Variants in RBMS3 observed in about 807,000 individuals in gnomAD.
RBMS3 encodes RNA binding motif single stranded interacting protein 3.
RBMS3 carries 27 observed loss-of-function variants against 66.8 expected under a neutral mutation model. The observed-to-expected ratio is 0.40, with a 90% CI of 0.30 to 0.56. The LOEUF (loss-of-function observed/expected upper bound fraction) is 0.56, where lower values mean the gene tolerates loss of function less well. Among genes scored for constraint, RBMS3 ranks in the 20% least tolerant of loss-of-function variants. The pLI is 0.40. For synonymous variants in RBMS3, 188 were observed against 183.0 expected (o/e 1.03, Z -0.22); for missense variants, 513 against 549.5 (o/e 0.93, Z 0.66).
rs1426866403 is a variant in RBMS3, at chr3:29,623,584, A to C, written c.399+36379A>C. On this transcript the variant is annotated intron_variant, in intron 4 of 14. Transcript: ENST00000383767. ...ACTCCAGCCTAGGCGACAGAGCAAG[A>C]CTGTCTCAAAAAAAAAAAAAAAAAG... Among the ~76,000 whole-genome samples the C allele has an allele frequency of 4.3e-4, 59 of 136,910 alleles. 1 individual carries two copies. The highest frequency in any genetic ancestry group is 2.0e-3 in the Admixed American group (26 of 13,120). 89.8% of individuals were successfully genotyped at this position (136,910 alleles called of 152,430 possible).
intron 1 of RBMS3, among the ~76,000 whole-genome samples, chr3:29,354,691 G>A (rs1278074995): frequency 6.6e-6 from 1 of 152,084 alleles, no homozygotes; most frequent in Non-Finnish European, 1.5e-5. Flanking sequence ...AACAGTATCA[G>A]GCCCTGCGAA....
chr3:29,838,556 C>T (rs1195582377), intron 6 of RBMS3, among the ~76,000 whole-genome samples: 1 of 151,998 alleles, frequency 6.6e-6, no homozygotes, highest in Non-Finnish European at 1.5e-5. Flanking sequence ...AAACATATTA[C>T]CTTGTGAACG....
rs529366645 is a variant in RBMS3, at chr3:29,311,678, G to A, written c.75+29922G>A. Among the ~76,000 whole-genome samples the A allele has an allele frequency of 2.1e-3, 314 of 151,888 alleles. 2 individuals carry two copies. Among genetic ancestry groups the A allele is most frequent in the Non-Finnish European group, 3.2e-3 (216 of 67,822 alleles). On this transcript the variant is annotated intron_variant, in intron 1 of 14. Transcript: ENST00000383767. ...ATTGGAAGCCACTATAGAGTAATAG[G>A]CGTAAGAGCATTGCATTGAAATCTA...
At chr3:29,703,090 G>A (rs1279261335) in intron 4 of RBMS3, among the ~76,000 whole-genome samples, 1 of 152,196 alleles carries the variant, frequency 6.6e-6, no homozygotes, top group East Asian at 1.9e-4. Context: ...TTTCAAAGCA[G>A]CTATTTTAGG....
intron 4 of RBMS3, among the ~76,000 whole-genome samples, chr3:29,629,416 C>T (rs1331405015): frequency 6.6e-6 from 1 of 152,060 alleles, no homozygotes; most frequent in Non-Finnish European, 1.5e-5. Flanking sequence ...AGTAGTTATA[C>T]AAAAATATAT....
intron 4 of RBMS3, among the ~76,000 whole-genome samples, chr3:29,608,048 C>G (rs1023746671): frequency 2.0e-5 from 3 of 151,848 alleles, no homozygotes; most frequent in African/African-American, 7.2e-5. Flanking sequence ...ATTTATTCTA[C>G]TATGAATCTT....
intron 10 of RBMS3, among the ~76,000 whole-genome samples, chr3:29,932,685 C>T (rs577766178): frequency 3.9e-5 from 6 of 152,248 alleles, no homozygotes; most frequent in Admixed American, 1.3e-4. Flanking sequence ...CCCTGATTTG[C>T]CAATGGTTTT....
intron 3 of RBMS3, among the ~76,000 whole-genome samples, chr3:29,527,237 A>G (rs1475818186): frequency 6.6e-6 from 1 of 151,048 alleles, no homozygotes; most frequent in Non-Finnish European, 1.5e-5. Flanking sequence ...TTAAATGAGA[A>G]CTATGCTAAA....
intron 1 of RBMS3, among the ~76,000 whole-genome samples, chr3:29,415,437 T>C (rs186609740): frequency 8.0e-4 from 122 of 152,282 alleles, no homozygotes; most frequent in Middle Eastern, 3.4e-3. Flanking sequence ...AGGGAGACTG[T>C]GAAACTGGCC....
At chr3:29,825,505 A>G (rs529156190) in intron 6 of RBMS3, among the ~76,000 whole-genome samples, 2 of 152,092 alleles carry the variant, frequency 1.3e-5, no homozygotes, top group African/African-American at 4.8e-5. Flanking sequence ...TTCCCATGCT[A>G]TTCTTGTGAT....
chr3:29,427,316 T>C (rs1249579230), intron 1 of RBMS3, among the ~76,000 whole-genome samples: 1 of 152,232 alleles, frequency 6.6e-6, no homozygotes, highest in Non-Finnish European at 1.5e-5. Flanking sequence ...ATGGCTGTAA[T>C]TGCATGGCTT....
At chr3:29,600,271 G>A (rs535872300) in intron 4 of RBMS3, among the ~76,000 whole-genome samples, 11 of 152,118 alleles carry the variant, frequency 7.2e-5, no homozygotes, top group African/African-American at 2.6e-4. Flanking sequence ...TGGAGCTGGG[G>A]CCTAGTTGGA....
At position 29,996,511 on chromosome 3, in the gene RBMS3, C is replaced by G. The variant is rs10440134; in HGVS notation, c.1307+5302C>G. Among the ~76,000 whole-genome samples, 182 of 148,962 alleles carry G rather than the reference C, an allele frequency of 1.2e-3. 1 individual carries two copies. The highest frequency in any genetic ancestry group is 3.7e-3 in the African/African-American group (150 of 40,510). On this transcript the variant is annotated intron_variant, in intron 14 of 14. Coordinates refer to ENST00000383767, the MANE Select transcript of RBMS3 (RefSeq NM_001003793.3). Reference sequence around the variant, plus strand: ...CACCTATTCCAAAATTGACCACATACTTGGAAGTAAAGCTCTCCTCAGCAA... The same window carrying G: ...CACCTATTCCAAAATTGACCACATAGTTGGAAGTAAAGCTCTCCTCAGCAA...
chr3:29,341,918 A>T (rs1357291074), intron 1 of RBMS3, among the ~76,000 whole-genome samples: 1 of 152,126 alleles, frequency 6.6e-6, no homozygotes, highest in African/African-American at 2.4e-5. Context: ...TACTAACTGG[A>T]TTTCATTTAA....
intron 3 of RBMS3, among the ~76,000 whole-genome samples, chr3:29,516,443 T>G (rs937179249): frequency 6.6e-6 from 1 of 151,594 alleles, no homozygotes; most frequent in African/African-American, 2.4e-5. Flanking sequence ...AAGTTTTTTT[T>G]TGTTTGTTTT....
chr3:29,285,279 G>C (rs902849879), intron 1 of RBMS3, among the ~76,000 whole-genome samples: 1 of 149,268 alleles, frequency 6.7e-6, no homozygotes, highest in Non-Finnish European at 1.5e-5. Flanking sequence ...GGGGTGGATG[G>C]GGGGTTCTTG....
chr3:29,973,478 C>T (rs1209508363), intron 12 of RBMS3, among the ~76,000 whole-genome samples: 1 of 151,884 alleles, frequency 6.6e-6, no homozygotes, highest in Non-Finnish European at 1.5e-5. Flanking sequence ...GTAACTCAAC[C>T]AGTTTTTTCT....
intron 2 of RBMS3, among the ~76,000 whole-genome samples, chr3:29,467,321 T>A (rs994525670): frequency 8.5e-5 from 13 of 152,204 alleles, no homozygotes; most frequent in Admixed American, 2.0e-4. Context: ...AGGGTTTTAC[T>A]AACCTGAAAA....
chr3:29,701,482 G>C (rs766819140), intron 4 of RBMS3, among the ~76,000 whole-genome samples: 5 of 152,158 alleles, frequency 3.3e-5, no homozygotes, highest in Non-Finnish European at 5.9e-5. Context: ...GGCCGTGCTT[G>C]AGGAGCCCTT....
Sources: gnomAD v4.1 joint callset for allele counts (sites outside exome capture counted in the v4.1 genomes callset) on GRCh38, gnomAD v4.1.1 for gene constraint, MANE v1.5 for transcripts, NCBI Gene and HGNC (gene_info 2026-07-23, HGNC 2026-07-21) for gene names.